The following CLN6 variants were observed in gnomAD, a reference collection of about 807,000 sequenced individuals.
CLN6 encodes the protein CLN6 transmembrane ER protein, also known as ceroid-lipofuscinosis neuronal protein 6.
In CLN6, 22 loss-of-function variants were observed where a neutral mutation model predicts 33.3. That is an observed-to-expected ratio of 0.66 (90% confidence interval 0.47 to 0.94). The LOEUF (loss-of-function observed/expected upper bound fraction) is 0.94, where lower values mean the gene tolerates loss of function less well. Ranked by LOEUF, CLN6 falls within the 40% of genes least tolerant of loss-of-function variation. The pLI is 0.00. For missense variants in CLN6, 387 were observed against 417.1 expected, an observed-to-expected ratio of 0.93 and a Z score of 0.63; for synonymous variants, 201 against 174.6, an observed-to-expected ratio of 1.15 and a Z score of -1.19.
chr15:68,237,957 TACTAA>T (rs1483505568), intron 1 of CLN6, among the ~76,000 whole-genome samples: 6 of 151,246 alleles, frequency 4.0e-5, no homozygotes, highest in Non-Finnish European at 7.4e-5. Flanking sequence ...ACCCCGTCTC[TACTAA>T]AAATACAAAA....
Position 68,246,395 on chromosome 15 carries a change from G to A in CLN6, c.179+10295C>T, listed in dbSNP as rs1272747624. On this transcript the variant is annotated intron_variant, in intron 1 of 6. Coordinates refer to the CLN6 transcript ENST00000538696. This position sits in a 1 kb window ranked among gnomAD's most constrained non-coding sequence, Gnocchi z 4.5. ...TTTCTGGCCACAATGGAATAAAACTGGAAATCAATAACAACAGGGATCTCA... is the reference window on the plus strand; with the variant it reads ...TTTCTGGCCACAATGGAATAAAACTAGAAATCAATAACAACAGGGATCTCA... Among the ~76,000 whole-genome samples the A allele has an allele frequency of 6.6e-6, 1 of 151,852 alleles. No individual in the cohort carries two copies. Among genetic ancestry groups the A allele is most frequent in the Non-Finnish European group, 1.5e-5 (1 of 67,980 alleles).
At chr15:68,235,759 C>T (rs1047939192) in intron 1 of CLN6, among the ~76,000 whole-genome samples, 1 of 151,940 alleles carries the variant, frequency 6.6e-6, no homozygotes, top group African/African-American at 2.4e-5. Flanking sequence ...AATGTACATG[C>T]TATTTGGGGT....
chr15:68,233,547 GTCTCTTAA>G (rs1362014510), upstream of CLN6, among the ~76,000 whole-genome samples: 1 of 152,178 alleles, frequency 6.6e-6, no homozygotes, highest in Non-Finnish European at 1.5e-5. The surrounding 1 kb of genome is among the most constrained non-coding windows in gnomAD (Gnocchi z 4.3). Context: ...TTTCTATCCA[GTCTCTTAA>G]GAGCTTTTGA....
chr15:68,229,762 A>AGCGGGGCGGG, upstream of CLN6: 1 of 46,450 alleles, frequency 2.2e-5, no homozygotes. Context: ...GGCGGAGCGG[A>AGCGGGGCGGG]GCGGAGCGGA....
rs772189210 is a variant in CLN6 at position 68,211,338 on chromosome 15, G to A, written c.487-20C>T. On this transcript the variant is annotated intron_variant, in intron 4 of 6. Transcript: ENST00000249806. This position sits in a 1 kb window ranked among gnomAD's most constrained non-coding sequence, Gnocchi z 5.9. ...GTCGATCTGAGGGAGGAACGGGCAG[G>A]GCAGAGTCGGGGGATGTCGATGTCA... is the stretch of plus-strand genomic sequence containing the variant. 7.9e-5 allele frequency: 128 copies of A among 1,613,508 alleles called. No homozygotes were observed. Among genetic ancestry groups the A allele is most frequent in the Non-Finnish European group, 1.0e-4 (122 of 1,179,814 alleles).
Position 68,208,019 on chromosome 15 carries a change from A to C in CLN6, c.*121T>G. ...ACACACGAATCCACGCACACGAGGC[A>C]CACCCCACTCATGCTCTCGGTCTCT... On this transcript the variant is annotated 3_prime_UTR_variant, in exon 7 of 7. Coordinates refer to ENST00000249806, the MANE Select transcript of CLN6 (RefSeq NM_017882.3). The surrounding 1 kb of genome is among the most constrained non-coding windows in gnomAD (Gnocchi z 5.8). The C allele has an allele frequency of 1.9e-6, 2 of 1,062,220 alleles. No individual in the cohort carries two copies. Among genetic ancestry groups the C allele is most frequent in the Non-Finnish European group, 2.8e-6 (2 of 716,662 alleles). 65.8% of individuals were successfully genotyped at this position (1,062,220 alleles called of 1,614,324 possible).
intron 1 of CLN6, among the ~76,000 whole-genome samples, chr15:68,222,836 G>A (rs891983428): frequency 6.6e-6 from 1 of 152,138 alleles, no homozygotes. Flanking sequence ...CCCCAACCCC[G>A]TGCTCTCTGA....
intron 1 of CLN6, 70 bp from the exon 2 acceptor site, chr15:68,218,720 G>T: frequency 8.7e-7 from 1 of 1,143,356 alleles, no homozygotes. Flanking sequence ...CCTGAGATTA[G>T]CCACAAAGAG....
At chr15:68,238,035 A>G (rs1158976224) in intron 1 of CLN6, among the ~76,000 whole-genome samples, 23 of 141,642 alleles carry the variant, frequency 1.6e-4, no homozygotes, top group South Asian at 4.6e-4. Flanking sequence ...AGGCAGGAGA[A>G]TTACTTGAAC....
chr15:68,214,850 T>G (rs2093216282), intron 2 of CLN6: 2 of 236,404 alleles, frequency 8.5e-6, no homozygotes, highest in African/African-American at 2.3e-5. Context: ...GTTCGGGTTC[T>G]GGCGCTCCTG....
At chr15:68,223,761 G>A (rs946114203) in intron 1 of CLN6, among the ~76,000 whole-genome samples, 1 of 151,936 alleles carries the variant, frequency 6.6e-6, no homozygotes, top group Non-Finnish European at 1.5e-5. Flanking sequence ...AAAAAAAGAG[G>A]GGGGCTGGGC....
upstream of CLN6, among the ~76,000 whole-genome samples, chr15:68,232,883 A>C (rs1567102730): frequency 6.6e-6 from 1 of 152,084 alleles, no homozygotes; most frequent in Admixed American, 6.5e-5. This position sits in a 1 kb window ranked among gnomAD's most constrained non-coding sequence, Gnocchi z 4.7. Context: ...CTCTACTAAA[A>C]ATACAAAAAC....
intron 1 of CLN6, among the ~76,000 whole-genome samples, chr15:68,250,021 T>C (rs1008433077): frequency 2.0e-5 from 3 of 152,126 alleles, no homozygotes; most frequent in African/African-American, 7.2e-5. Context: ...TCCACCCACC[T>C]TGGCCTCCCA....
At position 68,236,190 on chromosome 15, in the gene CLN6, T is replaced by A. The variant is rs890230173; in HGVS notation, c.180-17540A>T. 6.6e-6 allele frequency among the ~76,000 whole-genome samples: 1 copy of A among 152,152 alleles called. No homozygotes were observed. Among genetic ancestry groups the A allele is most frequent in the South Asian group, 2.1e-4 (1 of 4,828 alleles). On this transcript the variant is annotated intron_variant, in intron 1 of 6. Coordinates refer to the CLN6 transcript ENST00000538696. The surrounding 1 kb of genome is among the most constrained non-coding windows in gnomAD (Gnocchi z 4.5). The stretch of plus-strand genomic sequence containing the variant: ...AAAATGGCACAGCCCCTTTGGAAAA[T>A]AGTCCAGCAGGTCCTCAAACTGTTA...
In CLN6 at chr15:68,208,372, A is replaced by T. The variant is rs1469917052; in HGVS notation, c.704T>A (p.Ile235Asn). The T allele has an allele frequency of 4.3e-6, 7 of 1,613,516 alleles. No individual in the cohort carries two copies. Among genetic ancestry groups the T allele is most frequent in the African/African-American group, 1.3e-5 (1 of 74,932 alleles). ...VTEGQIFILF[I>N]FTFFAMLALV... ...GGCCAGCATGGCGAAGAAGGTGAAG[A>T]TGAAGAGGATGAAGATCTGGCCCTC... The change falls in exon 7 of 7, where the codon ATC (isoleucine) becomes AAC (asparagine). Residue 235 changes from isoleucine to asparagine, a missense_variant. By Grantham distance (149) the Ile-to-Asn change is moderately radical. Coordinates refer to ENST00000249806, the MANE Select transcript of CLN6 (RefSeq NM_017882.3). The surrounding 1 kb of genome is among the most constrained non-coding windows in gnomAD (Gnocchi z 5.8).
In CLN6 at chr15:68,241,715, T is replaced by C. The variant is rs1002735127; in HGVS notation, c.179+14975A>G. On this transcript the variant is annotated intron_variant, in intron 1 of 6. Coordinates refer to the CLN6 transcript ENST00000538696. This position sits in a 1 kb window ranked among gnomAD's most constrained non-coding sequence, Gnocchi z 4.2. ...AGTGGCTGTTAGCAGCACCACACTG[T>C]AGCAGCTGCATTCCACAGGTCTCCT... is the stretch of plus-strand genomic sequence containing the variant. 6.6e-6 allele frequency among the ~76,000 whole-genome samples: 1 copy of C among 152,156 alleles called. No individual in the cohort carries two copies.
chr15:68,230,126 A>C (rs1313886373), upstream of CLN6, among the ~76,000 whole-genome samples: 3 of 152,146 alleles, frequency 2.0e-5, no homozygotes, highest in Non-Finnish European at 4.4e-5. This position sits in a 1 kb window ranked among gnomAD's most constrained non-coding sequence, Gnocchi z 4.0. Context: ...GTGGTGCAGC[A>C]CGTGGGTTGC....
At chr15:68,214,011 C>T in intron 3 of CLN6, 1 of 403,902 alleles carries the variant, frequency 2.5e-6, no homozygotes, top group Non-Finnish European at 4.7e-6. Context: ...GTCTTTAGGT[C>T]CTTCTACCTG....
intron 1 of CLN6, among the ~76,000 whole-genome samples, chr15:68,255,602 G>A (rs1163062326): frequency 2.0e-5 from 3 of 152,204 alleles, no homozygotes; most frequent in Non-Finnish European, 4.4e-5. Flanking sequence ...GTCCTTTGAA[G>A]AAGGGAGTTT....
Sources: gnomAD v4.1 joint callset for allele counts (sites outside exome capture counted in the v4.1 genomes callset) on GRCh38, gnomAD v4.1.1 for gene constraint, Gnocchi (gnomAD v3.1) non-coding constraint, MANE v1.5 for transcripts, NCBI Gene and HGNC (gene_info 2026-07-23, HGNC 2026-07-21) for gene names.